Variants in C11orf21 observed in about 807,000 individuals in gnomAD.
C11orf21 encodes chromosome 11 open reading frame 21.
C11orf21 carries 19 observed loss-of-function variants against 15.2 expected under a neutral mutation model. That is an observed-to-expected ratio of 1.25 (90% confidence interval 0.87 to 1.84). C11orf21 has a LOEUF of 1.84. Among genes scored for constraint, C11orf21 ranks in the 40% most tolerant of loss-of-function variants. C11orf21 has a pLI of 0.00. For synonymous variants in C11orf21, 62 were observed against 66.8 expected (o/e 0.93, Z 0.35); for missense variants, 171 against 174.4 (o/e 0.98, Z 0.11).
intron 2 of C11orf21, among the ~76,000 whole-genome samples, chr11:2,300,099 G>GCAGCCTGCACAGT: frequency 9.1e-6 from 1 of 109,924 alleles, no homozygotes; most frequent in Non-Finnish European, 2.0e-5. Context: ...GGGGTGGGCA[G>GCAGCCTGCACAGT]GGGTTTGTGA....
At chr11:2,300,283 G>GA (rs1261466813) in intron 2 of C11orf21, among the ~76,000 whole-genome samples, 20 of 120,212 alleles carry the variant, frequency 1.7e-4, no homozygotes, top group African/African-American at 6.8e-4. Flanking sequence ...AGGGGTGTGT[G>GA]GGGTGGGCAG....
intron 3 of C11orf21, among the ~76,000 whole-genome samples, chr11:2,299,227 C>T (rs928206558): frequency 8.5e-5 from 13 of 152,316 alleles, no homozygotes; most frequent in Middle Eastern, 3.4e-3. Context: ...GCTCCTGGGA[C>T]GTGGATTTCA....
At position 2,300,845 on chromosome 11, in the gene C11orf21, G is replaced by A; in HGVS notation, c.54-232C>T. ...CGGGCTGCCCACTTGCACAGCCCGG[G>A]GGCCTCCTGCCCCTAGACCTGGTAC... On this transcript the variant is annotated intron_variant, in intron 1 of 3. Coordinates refer to ENST00000381153, the MANE Select transcript of C11orf21 (RefSeq NM_001329958.2). 4 of 1,386,484 alleles carry A rather than the reference G, an allele frequency of 2.9e-6. No homozygotes were observed. In the South Asian group the frequency reaches 5.0e-5, roughly 17 times the overall value. 85.9% of individuals were successfully genotyped at this position (1,386,484 alleles called of 1,614,324 possible). A position where few individuals can be genotyped will look rare whatever the true frequency, so the allele number is the denominator to read the frequency against.
rs1847714884 is a variant in C11orf21 at position 2,301,009 on chromosome 11, T to A, written c.54-396A>T. 2 of 540,338 alleles carry A rather than the reference T, an allele frequency of 3.7e-6. 1 individual carries two copies. The highest frequency in any genetic ancestry group is 6.7e-6 in the Non-Finnish European group (2 of 299,388). The allele number at this position is 540,338 out of a possible 1,614,324, so 33.5% of individuals were successfully genotyped here. On this transcript the variant is annotated intron_variant, in intron 1 of 3. Coordinates refer to ENST00000381153, the MANE Select transcript of C11orf21 (RefSeq NM_001329958.2). Reference sequence around the variant, plus strand: ...CCCACAGACTCAGGGTGGGAATTCCTGGGGGCCAGAGCTGCAGAGGGTGCT... The same window carrying A: ...CCCACAGACTCAGGGTGGGAATTCCAGGGGGCCAGAGCTGCAGAGGGTGCT...
In C11orf21 at chr11:2,299,690, CATT is replaced by C; in HGVS notation, c.162_164del (p.Met56del). The C allele has an allele frequency of 1.3e-6, 2 of 1,550,948 alleles. No homozygotes were observed. Among genetic ancestry groups the C allele is most frequent in the Non-Finnish European group, 8.7e-7 (1 of 1,146,882 alleles). On this transcript the variant is annotated inframe_deletion, in exon 3 of 4. Coordinates refer to ENST00000381153, the MANE Select transcript of C11orf21 (RefSeq NM_001329958.2). ...AGGGTTGGGCAGCTGCAGGTGGCAT[CATT>C]GAGCCAGGGGCCTCCTGGTGGGTAA...
chr11:2,295,909 A>G lies in C11orf21; in HGVS notation c.*2041T>C, dbSNP rs1847512035. 6.6e-6 allele frequency: 1 copy of G among 152,198 alleles called. No homozygotes were observed. The highest frequency in any genetic ancestry group is 2.4e-5 in the African/African-American group (1 of 41,464). 9.4% of individuals were successfully genotyped at this position (152,198 alleles called of 1,614,324 possible). On this transcript the variant is annotated 3_prime_UTR_variant, in exon 4 of 4. Transcript: ENST00000381153. This position sits in a 1 kb window ranked among gnomAD's most constrained non-coding sequence, Gnocchi z 5.4. ...AACTGCTCTAAAAAATAAAATCTAT[A>G]TTAAAAATTAAAGCTTTCACCAGAT...
rs575636803 is a variant in C11orf21, at chr11:2,299,487, C to G, written c.368G>C (p.Arg123Pro). 1 of 1,550,216 alleles carries G rather than the reference C, an allele frequency of 6.5e-7. No homozygotes were observed. The highest frequency in any genetic ancestry group is 2.0e-5 in the Admixed American group (1 of 50,968). Residue 123 changes from arginine (R) to proline (P), a missense_variant, in exon 3 of 4, where the codon CGG (arginine) becomes CCG (proline). Coordinates refer to ENST00000381153, the MANE Select transcript of C11orf21 (RefSeq NM_001329958.2). ...AGGTAGAGGCTGCCACCTCCTGGCC[C>G]GAGGACACAGCTTTCCAGAGGAGGG... ...AGPSSGKLCP[R>P]ARRWQPLPS
chr11:2,302,994 G>T (rs1378459507), upstream of C11orf21: 6 of 1,576,252 alleles, frequency 3.8e-6, no homozygotes, highest in Non-Finnish European at 5.2e-6. Flanking sequence ...ATCGGGAGGG[G>T]CCTCGGGTGC....
upstream of C11orf21, chr11:2,302,951 C>G: frequency 4.3e-6 from 7 of 1,613,304 alleles, no homozygotes; most frequent in Non-Finnish European, 5.9e-6. Flanking sequence ...AGGCTGTGCA[C>G]CAATGGGGTA....
At chr11:2,302,398 T>G (rs2234291), upstream of C11orf21, among the ~76,000 whole-genome samples, 3 of 152,136 alleles carry the variant, frequency 2.0e-5, no homozygotes, top group Non-Finnish European at 4.4e-5. Flanking sequence ...GGGACCACCA[T>G]GAGCAACCCC....
At chr11:2,302,719 G>T, upstream of C11orf21, 1 of 746,784 alleles carries the variant, frequency 1.3e-6, no homozygotes, top group South Asian at 1.7e-5. Flanking sequence ...GGGAATCCCT[G>T]CAGCTGAGCC....
Position 2,301,827 on chromosome 11 carries a change from G to T in C11orf21, c.-19C>A, listed in dbSNP as rs537397639. Reference sequence around the variant, plus strand: ...TGCCCATGACTTTCCCCCTCTCAGCGCCGTCCTCAGTGGCCACACCAAGAA... The same window carrying T: ...TGCCCATGACTTTCCCCCTCTCAGCTCCGTCCTCAGTGGCCACACCAAGAA... On this transcript the variant is annotated 5_prime_UTR_variant, in exon 1 of 4. Coordinates refer to ENST00000381153, the MANE Select transcript of C11orf21 (RefSeq NM_001329958.2). 79 of 1,550,512 alleles carry T rather than the reference G, an allele frequency of 5.1e-5. No individual in the cohort carries two copies. The highest frequency in any genetic ancestry group is 5.9e-5 in the Non-Finnish European group (68 of 1,146,934).
intron 1 of C11orf21, chr11:2,301,038 T>TG (rs1174286587): frequency 2.1e-6 from 1 of 478,390 alleles, no homozygotes; most frequent in Non-Finnish European, 3.8e-6. Context: ...GGGTGCTGCC[T>TG]GGGGGTGCTG....
Position 2,299,512 on chromosome 11 carries a change from G to C in C11orf21, c.343C>G (p.Pro115Ala), listed in dbSNP as rs1273284011. The C allele has an allele frequency of 6.4e-7, 1 of 1,550,420 alleles. No individual in the cohort carries two copies. The highest frequency in any genetic ancestry group is 1.4e-5 in the African/African-American group (1 of 73,038). ...CGAGGACACAGCTTTCCAGAGGAGG[G>C]GCCTGCTTCTAAGTCCAAGTCCCAT... ...LGWDLDLEAGPSSGKLCPRAR... is the reference protein window; with the variant it reads ...LGWDLDLEAGASSGKLCPRAR... The change falls in exon 3 of 4, where the codon CCC becomes GCC. Residue 115 changes from proline (P) to alanine (A), a missense_variant. Physicochemically the swap from Pro to Ala is conservative, Grantham distance 27 (BLOSUM62 -1). Coordinates refer to ENST00000381153, the MANE Select transcript of C11orf21 (RefSeq NM_001329958.2).
chr11:2,301,362 C>A lies in C11orf21; in HGVS notation c.53+394G>T, dbSNP rs376610829. 127 of 204,892 alleles carry A rather than the reference C, an allele frequency of 6.2e-4. 4 individuals carry two copies. The South Asian group carries it at 0.01, about 16-fold the overall frequency. The allele number at this position is 204,892 out of a possible 1,614,324, so 12.7% of individuals were successfully genotyped here. Reference sequence around the variant, plus strand: ...TCACCTGGAACATTTTCACCCTCTTCAGGCCCACCCTGCCCCAGAGGCCCA... The same window carrying A: ...TCACCTGGAACATTTTCACCCTCTTAAGGCCCACCCTGCCCCAGAGGCCCA... On this transcript the variant is annotated intron_variant, in intron 1 of 3. Transcript: ENST00000381153.
At position 2,299,509 on chromosome 11, in the gene C11orf21, A is replaced by AG; in HGVS notation, c.345dup (p.Ser116LeufsTer32). 1 of 1,550,508 alleles carries AG rather than the reference A, an allele frequency of 6.4e-7. No homozygotes were observed. Among genetic ancestry groups the AG allele is most frequent in the South Asian group, 1.2e-5 (1 of 84,064 alleles). On this transcript the variant is annotated frameshift_variant, in exon 3 of 4. Transcript: ENST00000381153. LOFTEE classifies it high-confidence loss of function. The stretch of plus-strand genomic sequence containing the variant: ...GCCCGAGGACACAGCTTTCCAGAGG[A>AG]GGGGCCTGCTTCTAAGTCCAAGTCC...
rs781337132 is a variant in C11orf21, at chr11:2,297,445, C to T, written c.*505G>A. ...GCATTGGGGGGCACCACCCATCTCC[C>T]TTCTTTGTCTCACTGCCTTGAAACA... On this transcript the variant is annotated 3_prime_UTR_variant, in exon 4 of 4. Coordinates refer to ENST00000381153, the MANE Select transcript of C11orf21 (RefSeq NM_001329958.2). The T allele has an allele frequency of 1.3e-5, 2 of 152,318 alleles. No individual in the cohort carries two copies. Among genetic ancestry groups the T allele is most frequent in the Non-Finnish European group, 2.9e-5 (2 of 68,114 alleles). The allele number at this position is 152,318 out of a possible 1,614,324, so 9.4% of individuals were successfully genotyped here. A position where few individuals can be genotyped will look rare whatever the true frequency, so the allele number is the denominator to read the frequency against.
At chr11:2,302,224 C>G, upstream of C11orf21, 3 of 1,384,550 alleles carry the variant, frequency 2.2e-6, no homozygotes, top group South Asian at 4.0e-5. Flanking sequence ...TGGTAACAGG[C>G]AGGTCGGGCA....
Position 2,300,926 on chromosome 11 carries a change from C to G in C11orf21, c.54-313G>C, listed in dbSNP as rs2133273638. 4.5e-6 allele frequency: 3 copies of G among 666,722 alleles called. No homozygotes were observed. The East Asian group carries it at 8.2e-5, about 18-fold the overall frequency. 41.3% of individuals were successfully genotyped at this position (666,722 alleles called of 1,614,324 possible). On this transcript the variant is annotated intron_variant, in intron 1 of 3. Transcript: ENST00000381153. Reference sequence around the variant, plus strand: ...ACCTGCGCCCCAGTCTGAGCCACACCTAGGCCCCCAGCTGAAGTGACACTG... The same window carrying G: ...ACCTGCGCCCCAGTCTGAGCCACACGTAGGCCCCCAGCTGAAGTGACACTG...
Sources: gnomAD v4.1 joint callset for allele counts (sites outside exome capture counted in the v4.1 genomes callset) on GRCh38, gnomAD v4.1.1 for gene constraint, Gnocchi (gnomAD v3.1) non-coding constraint, MANE v1.5 for transcripts, NCBI Gene and HGNC (gene_info 2026-07-23, HGNC 2026-07-21) for gene names.